Variants in SLC5A12 observed in about 807,000 individuals in gnomAD.
The protein encoded by SLC5A12 is sodium-coupled monocarboxylate transporter 2.
A neutral mutation model predicts 72.7 loss-of-function variants in SLC5A12; 46 were observed. The ratio of observed to expected loss-of-function variants is 0.63; its 90% confidence interval spans 0.50 to 0.81. The LOEUF is 0.81. SLC5A12 is among the 30% of genes least tolerant of loss of function. The pLI, the probability that SLC5A12 is intolerant of heterozygous loss-of-function variation, is 0.00. For synonymous variants in SLC5A12, 275 were observed against 264.4 expected (o/e 1.04, Z -0.39); for missense variants, 683 against 740.7 (o/e 0.92, Z 0.90).
intron 13 of SLC5A12, among the ~76,000 whole-genome samples, chr11:26,677,963 C>A (rs978388028): frequency 6.6e-6 from 1 of 152,154 alleles, no homozygotes; most frequent in African/African-American, 2.4e-5. Context: ...ACACTCTCAC[C>A]ACTACCAACC....
Position 26,670,686 on chromosome 11 carries a change from G to A in SLC5A12, c.*416C>T, listed in dbSNP as rs568997324. On this transcript the variant is annotated 3_prime_UTR_variant, in exon 15 of 15. Coordinates refer to ENST00000396005, the MANE Select transcript of SLC5A12 (RefSeq NM_178498.4). ...TCCTCTATTTTATCCCTCGTGGCAG[G>A]AAAGTGTTAAATATGCATATTTCTG... The A allele has an allele frequency of 6.5e-6, 1 of 153,336 alleles. No individual in the cohort carries two copies. Among genetic ancestry groups the A allele is most frequent in the Non-Finnish European group, 1.5e-5 (1 of 68,958 alleles). The allele number at this position is 153,336 out of a possible 1,614,324, so 9.5% of individuals were successfully genotyped here. A position where few individuals can be genotyped will look rare whatever the true frequency, so the allele number is the denominator to read the frequency against.
rs566803936 is a variant in SLC5A12 at position 26,698,546 on chromosome 11, G to A, written c.822-11C>T. 6.8e-6 allele frequency: 11 copies of A among 1,613,696 alleles called. No homozygotes were observed. The South Asian group carries it at 9.9e-5, about 14-fold the overall frequency. On this transcript the variant is annotated splice_polypyrimidine_tract_variant and intron_variant, in intron 6 of 14. Transcript: ENST00000396005. The stretch of plus-strand genomic sequence containing the variant: ...TTAAAATACAAGGCACTAGAAAAGA[G>A]CACATGGGCCTATTGGTAGCCTGTA...
chr11:26,690,936 TAAAG>T (rs1456464088), intron 9 of SLC5A12, among the ~76,000 whole-genome samples: 8 of 151,864 alleles, frequency 5.3e-5, no homozygotes, highest in Non-Finnish European at 1.0e-4. Context: ...TGTATAAGCA[TAAAG>T]AAATGGTAAA....
At chr11:26,677,021 T>A (rs974513623) in intron 13 of SLC5A12, among the ~76,000 whole-genome samples, 2 of 152,154 alleles carry the variant, frequency 1.3e-5, no homozygotes, top group African/African-American at 4.8e-5. Flanking sequence ...ATTGTAAGAC[T>A]TTTTAAAAGA....
At chr11:26,713,520 T>A (rs1182013002) in intron 1 of SLC5A12, among the ~76,000 whole-genome samples, 1 of 152,156 alleles carries the variant, frequency 6.6e-6, no homozygotes, top group African/African-American at 2.4e-5. Context: ...GTCTTTCTTC[T>A]TTCACAGATG....
At chr11:26,709,969 A>G (rs1382137615) in intron 3 of SLC5A12, among the ~76,000 whole-genome samples, 1 of 152,048 alleles carries the variant, frequency 6.6e-6, no homozygotes, top group Admixed American at 6.6e-5. Context: ...TACACCCATC[A>G]ACCCATCATC....
chr11:26,667,204 T>C lies in SLC5A12; in HGVS notation c.*3898A>G, dbSNP rs1387108161. On this transcript the variant is annotated 3_prime_UTR_variant, in exon 15 of 15. Coordinates refer to ENST00000396005, the MANE Select transcript of SLC5A12 (RefSeq NM_178498.4). ...GCTAATTTGCAATATTGAGATTAAGTACATGAGACTTGTAAATATACAAAT... is the reference window on the plus strand; with the variant it reads ...GCTAATTTGCAATATTGAGATTAAGCACATGAGACTTGTAAATATACAAAT... 6.6e-6 allele frequency: 1 copy of C among 151,860 alleles called. No homozygotes were observed. The highest frequency in any genetic ancestry group is 1.5e-5 in the Non-Finnish European group (1 of 67,846). 9.4% of individuals were successfully genotyped at this position (151,860 alleles called of 1,614,324 possible).
At chr11:26,684,022 T>TTATG (rs201647302) in intron 10 of SLC5A12, among the ~76,000 whole-genome samples, 179 bp from the exon 11 acceptor site, 2 of 132,098 alleles carry the variant, frequency 1.5e-5, no homozygotes, top group Non-Finnish European at 1.7e-5. Flanking sequence ...AGCACTGTAT[T>TTATG]TATGTATGTG....
At chr11:26,676,637 A>G (rs1854273987) in intron 13 of SLC5A12, among the ~76,000 whole-genome samples, 1 of 152,180 alleles carries the variant, frequency 6.6e-6, no homozygotes, top group East Asian at 1.9e-4. Flanking sequence ...GATTTAGGAA[A>G]TGATATTTTC....
Position 26,669,412 on chromosome 11 carries a change from T to C in SLC5A12, c.*1690A>G, listed in dbSNP as rs956138450. 6.6e-6 allele frequency: 1 copy of C among 151,882 alleles called. No individual in the cohort carries two copies. The highest frequency in any genetic ancestry group is 1.5e-5 in the Non-Finnish European group (1 of 67,928). The allele number at this position is 151,882 out of a possible 1,614,324, so 9.4% of individuals were successfully genotyped here. A position where few individuals can be genotyped will look rare whatever the true frequency, so the allele number is the denominator to read the frequency against. On this transcript the variant is annotated 3_prime_UTR_variant, in exon 15 of 15. Transcript: ENST00000396005. ...AACAGCTTAATTAGCGTTGCCAGAC[T>C]TTAAAAAATGTTTCCAAAAATTCTG...
chr11:26,686,792 T>C (rs950636648), intron 9 of SLC5A12, among the ~76,000 whole-genome samples: 1 of 152,192 alleles, frequency 6.6e-6, no homozygotes, highest in African/African-American at 2.4e-5. Context: ...CCTCAAGGGT[T>C]ATCCTTCTAA....
chr11:26,686,621 G>A, intron 9 of SLC5A12, 77 bp from the exon 10 acceptor site: 1 of 1,293,936 alleles, frequency 7.7e-7, no homozygotes. Context: ...CCCCCACTCA[G>A]AACTGTCTCT....
rs190897155 is a variant in SLC5A12 at position 26,718,711 on chromosome 11, A to G, written c.339+2665T>C. Among the ~76,000 whole-genome samples, 59 of 151,626 alleles carry G rather than the reference A, an allele frequency of 3.9e-4. No individual in the cohort carries two copies. The East Asian group carries it at 0.011, about 28-fold the overall frequency. On this transcript the variant is annotated intron_variant, in intron 1 of 14. Transcript: ENST00000396005. Reference sequence around the variant, plus strand: ...TCCATGTTGGCCAGGCTGGTCTCGAACTCCTGACCTCAGGTGATCCACCCA... The same window carrying G: ...TCCATGTTGGCCAGGCTGGTCTCGAGCTCCTGACCTCAGGTGATCCACCCA...
chr11:26,682,201 T>G (rs1480371873), intron 11 of SLC5A12, among the ~76,000 whole-genome samples: 1 of 152,006 alleles, frequency 6.6e-6, no homozygotes, highest in Non-Finnish European at 1.5e-5. Context: ...GCACTGAAAT[T>G]GGAATTTTAT....
At chr11:26,676,351 C>A (rs1854264757) in intron 13 of SLC5A12, among the ~76,000 whole-genome samples, 2 of 135,302 alleles carry the variant, frequency 1.5e-5, no homozygotes, top group African/African-American at 5.6e-5. Flanking sequence ...AGCTCTGTTT[C>A]TAGAAAACAA....
At position 26,712,626 on chromosome 11, in the gene SLC5A12, G is replaced by A; in HGVS notation, c.405+15C>T. 1 of 1,518,226 alleles carries A rather than the reference G, an allele frequency of 6.6e-7. No homozygotes were observed. Among genetic ancestry groups the A allele is most frequent in the Non-Finnish European group, 9.0e-7 (1 of 1,113,480 alleles). 94.0% of individuals were successfully genotyped at this position (1,518,226 alleles called of 1,614,324 possible). On this transcript the variant is annotated intron_variant, in intron 2 of 14. Coordinates refer to ENST00000396005, the MANE Select transcript of SLC5A12 (RefSeq NM_178498.4). Reference sequence around the variant, plus strand: ...CCTCACAGTTTCCACATCTGCAGCAGCCATGACCACTTACCGTCTGTACAA... The same window carrying A: ...CCTCACAGTTTCCACATCTGCAGCAACCATGACCACTTACCGTCTGTACAA...
intron 6 of SLC5A12, among the ~76,000 whole-genome samples, chr11:26,702,298 T>C (rs965699816): frequency 1.3e-5 from 2 of 152,192 alleles, no homozygotes; most frequent in Non-Finnish European, 2.9e-5. Context: ...CTGAGAGCTA[T>C]GAAATATATA....
At chr11:26,707,832 A>G (rs936784293) in intron 4 of SLC5A12, among the ~76,000 whole-genome samples, 1 of 151,920 alleles carries the variant, frequency 6.6e-6, no homozygotes, top group Non-Finnish European at 1.5e-5. Context: ...TTAGATCTTT[A>G]TCTGTGTGTA....
At chr11:26,718,161 A>G (rs895980300) in intron 1 of SLC5A12, among the ~76,000 whole-genome samples, 6 of 152,216 alleles carry the variant, frequency 3.9e-5, no homozygotes, top group East Asian at 1.9e-4. Flanking sequence ...CAGAAACTCC[A>G]GATACTATAG....
Sources: allele counts gnomAD v4.1 joint callset (sites outside exome capture counted in the v4.1 genomes callset), GRCh38; gene constraint gnomAD v4.1.1; transcripts MANE v1.5; gene names NCBI Gene and HGNC (gene_info 2026-07-23, HGNC 2026-07-21).